Variants in COG5 observed in about 807,000 individuals in gnomAD.
The protein encoded by COG5 is conserved oligomeric Golgi complex subunit 5.
COG5 carries 86 observed loss-of-function variants against 110.4 expected under a neutral mutation model. The observed-to-expected ratio is 0.78, with a 90% CI of 0.65 to 0.93. The LOEUF (loss-of-function observed/expected upper bound fraction) is 0.93. Among genes scored for constraint, COG5 ranks in the 40% least tolerant of loss-of-function variants. The probability of loss-of-function intolerance (pLI) is 0.00; values close to 1 mark genes in which losing one functional copy is unlikely to be tolerated. For synonymous variants in COG5, 360 were observed against 334.6 expected (o/e 1.08, Z -0.83); for missense variants, 1,077 against 987.0 (o/e 1.09, Z -1.22).
intron 14 of COG5, among the ~76,000 whole-genome samples, chr7:107,271,316 A>T (rs947644248): frequency 2.6e-5 from 4 of 152,108 alleles, no homozygotes; most frequent in African/African-American, 9.7e-5. Context: ...AATTGATCAA[A>T]TTTTTTTAAA....
intron 6 of COG5, among the ~76,000 whole-genome samples, chr7:107,448,331 C>T (rs554765418): frequency 2.0e-4 from 31 of 152,220 alleles, no homozygotes; most frequent in African/African-American, 6.0e-4. Context: ...AGCTGTCTTG[C>T]GGAGGTCACC....
At chr7:107,353,298 A>G (rs1329233022) in intron 10 of COG5, among the ~76,000 whole-genome samples, 4 of 151,590 alleles carry the variant, frequency 2.6e-5, no homozygotes, top group South Asian at 2.1e-4. Context: ...GGTGGCGGGC[A>G]CCTGTAGTCC....
Position 107,249,888 on chromosome 7 carries a change from G to A in COG5, c.1750-1389C>T, listed in dbSNP as rs140088101. ...GTCATGTTGACACTAAAAAAGTTTCGGATTCCCAAGCATAGGAGTTTGGGA... is the reference window on the plus strand; with the variant it reads ...GTCATGTTGACACTAAAAAAGTTTCAGATTCCCAAGCATAGGAGTTTGGGA... On this transcript the variant is annotated intron_variant, in intron 16 of 21. Coordinates refer to ENST00000297135, the MANE Select transcript of COG5 (RefSeq NM_006348.5). Among the ~76,000 whole-genome samples the A allele has an allele frequency of 1.8e-3, 271 of 152,050 alleles. 4 individuals carry two copies. The East Asian group carries it at 0.027, about 15-fold the overall frequency.
At chr7:107,368,255 G>C (rs1389556333) in intron 8 of COG5, among the ~76,000 whole-genome samples, 1 of 151,994 alleles carries the variant, frequency 6.6e-6, no homozygotes, top group Non-Finnish European at 1.5e-5. Context: ...TTAAGTCCTT[G>C]ATGTCACATA....
At chr7:107,562,392 G>C (rs1803899710) in intron 1 of COG5, among the ~76,000 whole-genome samples, 1 of 152,104 alleles carries the variant, frequency 6.6e-6, no homozygotes, top group Admixed American at 6.5e-5. Context: ...TCTCCACCTA[G>C]AAAGCCTTTT....
At chr7:107,365,501 TG>T (rs1813520967) in intron 8 of COG5, among the ~76,000 whole-genome samples, 2 of 148,628 alleles carry the variant, frequency 1.3e-5, no homozygotes, top group South Asian at 4.2e-4. Context: ...TAAAACCAAT[TG>T]TAAGAATTTG....
At chr7:107,522,554 C>T (rs897561455) in intron 6 of COG5, among the ~76,000 whole-genome samples, 1 of 151,860 alleles carries the variant, frequency 6.6e-6, no homozygotes, top group Non-Finnish European at 1.5e-5. Context: ...ATGTAACAAA[C>T]CTGCATGTTC....
chr7:107,311,689 G>A (rs1031941347), intron 11 of COG5, among the ~76,000 whole-genome samples: 20 of 151,908 alleles, frequency 1.3e-4, no homozygotes, highest in Admixed American at 5.9e-4. Flanking sequence ...CACCGCGCCC[G>A]GCCACATTTT....
At chr7:107,457,749 G>A (rs545893319) in intron 6 of COG5, among the ~76,000 whole-genome samples, 2 of 152,036 alleles carry the variant, frequency 1.3e-5, no homozygotes, top group African/African-American at 2.4e-5. Flanking sequence ...AGTTTTTGAA[G>A]TCTAAGAAAG....
intron 13 of COG5, 93 bp from the exon 14 acceptor site, chr7:107,281,492 T>G: frequency 1.1e-6 from 1 of 909,174 alleles, no homozygotes; most frequent in Non-Finnish European, 1.8e-6. Context: ...ATAAGCAATG[T>G]GGTTATTCTT....
chr7:107,410,293 G>GTGAA (rs1195338957), intron 7 of COG5, among the ~76,000 whole-genome samples: 5 of 152,090 alleles, frequency 3.3e-5, no homozygotes, highest in Admixed American at 1.3e-4. Flanking sequence ...CATCAGTTAG[G>GTGAA]TGAATAGTTG....
chr7:107,489,683 A>G (rs1020831267), intron 6 of COG5, among the ~76,000 whole-genome samples: 4 of 152,212 alleles, frequency 2.6e-5, no homozygotes, highest in African/African-American at 9.6e-5. Context: ...ATGTAACATA[A>G]TAACTACTTA....
chr7:107,432,743 T>A (rs1361987365), intron 6 of COG5, among the ~76,000 whole-genome samples: 2 of 152,098 alleles, frequency 1.3e-5, no homozygotes, highest in African/African-American at 4.8e-5. Context: ...CTATAAAAAG[T>A]CCAGGGATGC....
At chr7:107,270,949 T>C (rs1804223567) in intron 14 of COG5, among the ~76,000 whole-genome samples, 1 of 135,548 alleles carries the variant, frequency 7.4e-6, no homozygotes, top group Non-Finnish European at 1.6e-5. Flanking sequence ...GGCTGGTCTC[T>C]AACTCCTGAT....
At chr7:107,461,896 AT>A (rs1796014862) in intron 6 of COG5, among the ~76,000 whole-genome samples, 1 of 152,240 alleles carries the variant, frequency 6.6e-6, no homozygotes, top group Non-Finnish European at 1.5e-5. Flanking sequence ...AGCAACCTAA[AT>A]AAGTGGAGAA....
chr7:107,543,061 G>GT (rs1319089004), intron 5 of COG5, among the ~76,000 whole-genome samples: 4 of 151,710 alleles, frequency 2.6e-5, no homozygotes, highest in African/African-American at 9.7e-5. Context: ...ATAATTTTTA[G>GT]TTAAAAAAAA....
chr7:107,278,346 C>A (rs1452239617), intron 14 of COG5, among the ~76,000 whole-genome samples: 1 of 151,992 alleles, frequency 6.6e-6, no homozygotes, highest in Non-Finnish European at 1.5e-5. Flanking sequence ...TAGGTATACA[C>A]GTGCCATGGT....
intron 17 of COG5, among the ~76,000 whole-genome samples, chr7:107,238,096 C>T (rs1048275425): frequency 6.6e-6 from 1 of 152,068 alleles, no homozygotes; most frequent in African/African-American, 2.4e-5. Flanking sequence ...ACCTTAAATA[C>T]TTATCATTTA....
chr7:107,461,501 T>C (rs1284492518), intron 6 of COG5, among the ~76,000 whole-genome samples: 2 of 152,178 alleles, frequency 1.3e-5, no homozygotes, highest in Admixed American at 6.5e-5. Context: ...ACTTTCCCCC[T>C]GAAGACATGG....
Sources: gnomAD v4.1 joint callset for allele counts (sites outside exome capture counted in the v4.1 genomes callset) on GRCh38, gnomAD v4.1.1 for gene constraint, MANE v1.5 for transcripts, NCBI Gene and HGNC (gene_info 2026-07-23, HGNC 2026-07-21) for gene names.